ERCC6L2: variants seen among roughly 807,000 people sequenced by gnomAD.
ERCC6L2 encodes the protein ERCC excision repair 6 like 2.
ERCC6L2 carries 77 observed loss-of-function variants against 132.0 expected under a neutral mutation model. The observed-to-expected ratio is 0.58, with a 90% CI of 0.49 to 0.71. The LOEUF (loss-of-function observed/expected upper bound fraction) is 0.71, where lower values mean the gene tolerates loss of function less well. ERCC6L2 is among the 30% of genes least tolerant of loss of function. ERCC6L2 has a pLI of 0.00. For missense variants in ERCC6L2, 1,542 were observed against 1,837.6 expected (o/e 0.84, Z 2.94); for synonymous variants, 583 against 632.4 (o/e 0.92, Z 1.17).
intron 3 of ERCC6L2, among the ~76,000 whole-genome samples, chr9:95,899,621 TGTGTGTGTGTGC>T (rs1444635074): frequency 3.4e-5 from 5 of 146,920 alleles, no homozygotes; most frequent in South Asian, 2.2e-4. Flanking sequence ...TGTGTGTGTG[TGTGTGTGTGTGC>T]GTATGTATGC....
intron 4 of ERCC6L2, among the ~76,000 whole-genome samples, chr9:95,913,692 C>G (rs554390352): frequency 6.6e-6 from 1 of 152,334 alleles, no homozygotes; most frequent in South Asian, 2.1e-4. Context: ...CTGGCAACTA[C>G]TGATCTGCTT....
At chr9:95,895,169 C>G (rs577560174) in intron 2 of ERCC6L2, among the ~76,000 whole-genome samples, 256 of 152,188 alleles carry the variant, frequency 1.7e-3, no homozygotes, top group African/African-American at 5.9e-3. Flanking sequence ...ATTTTATTAT[C>G]AATATTAAGT....
At chr9:95,878,225 T>A (rs1317600924) in intron 1 of ERCC6L2, among the ~76,000 whole-genome samples, 1 of 152,242 alleles carries the variant, frequency 6.6e-6, no homozygotes, top group Non-Finnish European at 1.5e-5. Context: ...ATGTATTGTC[T>A]GGTTGCTTTT....
At chr9:95,918,716 G>A (rs1165086354) in intron 6 of ERCC6L2, 1 of 185,572 alleles carries the variant, frequency 5.4e-6, no homozygotes, top group Non-Finnish European at 1.1e-5. Context: ...GCAGAAAAAT[G>A]TGACCATCAG....
intron 6 of ERCC6L2, chr9:95,918,577 AGGAC>A: frequency 2.6e-6 from 1 of 384,228 alleles, no homozygotes; most frequent in Admixed American, 2.7e-5. Flanking sequence ...TGTGTGGAAA[AGGAC>A]GGCCTGATTT....
At chr9:95,988,280 T>C (rs1833169959) in intron 17 of ERCC6L2, among the ~76,000 whole-genome samples, 1 of 152,248 alleles carries the variant, frequency 6.6e-6, no homozygotes, top group African/African-American at 2.4e-5. Flanking sequence ...GAACTGGAAT[T>C]TGTGATATTT....
Position 95,916,395 on chromosome 9 carries a change from G to C in ERCC6L2, c.1119G>C (p.Lys373Asn). 6.2e-7 allele frequency: 1 copy of C among 1,600,838 alleles called. No homozygotes were observed. The highest frequency in any genetic ancestry group is 8.5e-7 in the Non-Finnish European group (1 of 1,176,188). Residue 373 changes from lysine to asparagine, a missense_variant, in exon 6 of 19, where the codon AAG becomes AAC. By Grantham distance (94) the Lys-to-Asn change is moderately conservative (BLOSUM62 0). Around this residue, in one of 4 missense-constraint regions of ERCC6L2, gnomAD observed 945 missense variants for 1,105.2 expected, o/e 0.86. Transcript: ENST00000653738. ...KMSGWFLRRT[K>N]TLIKDQLPKK... ...CTGGCTGGTTTCTCAGGCGCACCAA[G>C]ACTCTTATCAAGGATCAGTTGCCTA...
At chr9:95,885,239 A>G (rs888729927) in intron 2 of ERCC6L2, among the ~76,000 whole-genome samples, 1 of 152,214 alleles carries the variant, frequency 6.6e-6, no homozygotes, top group African/African-American at 2.4e-5. Context: ...TTAATATTTC[A>G]TTATACATGG....
At chr9:95,898,213 G>A (rs1828569254) in intron 3 of ERCC6L2, among the ~76,000 whole-genome samples, 1 of 152,026 alleles carries the variant, frequency 6.6e-6, no homozygotes, top group Admixed American at 6.5e-5. Context: ...TTGCTTTGAG[G>A]TTTTAATCTG....
At chr9:95,915,398 T>C (rs1829534147) in intron 4 of ERCC6L2, among the ~76,000 whole-genome samples, 1 of 152,230 alleles carries the variant, frequency 6.6e-6, no homozygotes, top group South Asian at 2.1e-4. Flanking sequence ...AAAATTCCTT[T>C]ATTGTCATTT....
intron 11 of ERCC6L2, among the ~76,000 whole-genome samples, chr9:95,931,262 A>G (rs552542052): frequency 2.0e-4 from 30 of 152,086 alleles, no homozygotes; most frequent in African/African-American, 6.5e-4. Context: ...ATAATCCTCA[A>G]TGTTACTAAT....
intron 7 of ERCC6L2, 119 bp from the exon 8 acceptor site, chr9:95,922,186 G>T: frequency 1.9e-6 from 1 of 530,214 alleles, no homozygotes; most frequent in African/African-American, 1.9e-5. Flanking sequence ...CATTTTCTTG[G>T]AATTTATTGT....
At chr9:95,923,508 TGG>T in intron 9 of ERCC6L2, 129 bp downstream of exon 9, 1 of 1,054,994 alleles carries the variant, frequency 9.5e-7, no homozygotes, top group Non-Finnish European at 1.4e-6. Context: ...TATGGACAAG[TGG>T]TGCAATTGTA....
At chr9:95,907,863 A>AAACACACACACACACACACACACACACC (rs1829151717) in intron 4 of ERCC6L2, among the ~76,000 whole-genome samples, 3 of 150,132 alleles carry the variant, frequency 2.0e-5, no homozygotes, top group African/African-American at 5.0e-5. Context: ...ACACCCCCAC[A>AAACACACACACACACACACACACACACC]CCCACACACC....
chr9:96,023,259 C>T (rs1438230589), downstream of ERCC6L2, among the ~76,000 whole-genome samples: 1 of 152,172 alleles, frequency 6.6e-6, no homozygotes, highest in African/African-American at 2.4e-5. Flanking sequence ...TTAGCATAGG[C>T]TCTAGTTAAA....
intron 1 of ERCC6L2, among the ~76,000 whole-genome samples, chr9:95,878,896 C>T (rs1262062299): frequency 6.6e-6 from 1 of 151,884 alleles, no homozygotes; most frequent in East Asian, 1.9e-4. Flanking sequence ...TTTCTTAATC[C>T]AGTCTATCAT....
intron 2 of ERCC6L2, among the ~76,000 whole-genome samples, chr9:95,883,926 G>T (rs923213301): frequency 2.6e-5 from 4 of 152,180 alleles, no homozygotes; most frequent in African/African-American, 9.7e-5. Context: ...CCACCATCCT[G>T]CAGCTTAAAT....
At chr9:96,012,185 T>G (rs372717090) in intron 18 of ERCC6L2, 40 bp from the exon 19 acceptor site, 70 of 1,162,160 alleles carry the variant, frequency 6.0e-5, no homozygotes, top group South Asian at 3.0e-4. Context: ...AAATAAAATG[T>G]AATGAAAATA....
rs1833797157 is a variant in ERCC6L2, at chr9:96,004,535, G to A, written c.3508G>A (p.Val1170Met). 1 of 1,304,412 alleles carries A rather than the reference G, an allele frequency of 7.7e-7. No individual in the cohort carries two copies. Among genetic ancestry groups the A allele is most frequent in the South Asian group, 1.2e-5 (1 of 80,534 alleles). The allele number at this position is 1,304,412 out of a possible 1,614,324, so 80.8% of individuals were successfully genotyped here. A position where few individuals can be genotyped will look rare whatever the true frequency, so the allele number is the denominator to read the frequency against. ...TTTTTTTCAGACATATAAAGAAAAA[G>A]TGGATGCAGATACATTGCCACACAC... Reference protein sequence around the residue: ...VCSSKTYKEKVDADTLPHTKK... With the variant: ...VCSSKTYKEKMDADTLPHTKK... Residue 1170 changes from valine (V) to methionine (M), a missense_variant, in exon 18 of 19, where the codon GTG becomes ATG. By Grantham distance (21) the Val-to-Met change is conservative. Coordinates refer to ENST00000653738, the MANE Select transcript of ERCC6L2 (RefSeq NM_020207.7).
Sources: allele counts gnomAD v4.1 joint callset (sites outside exome capture counted in the v4.1 genomes callset), GRCh38; gene constraint gnomAD v4.1.1; regional missense constraint gnomAD v4.1.1; transcripts MANE v1.5; gene names NCBI Gene and HGNC (gene_info 2026-07-23, HGNC 2026-07-21).